ADAMTS16: variants seen among roughly 807,000 people sequenced by gnomAD.
ADAMTS16 encodes the protein A disintegrin and metalloproteinase with thrombospondin motifs 16.
Under a neutral mutation model 145.8 loss-of-function variants are expected in ADAMTS16, and 94 were observed. The observed-to-expected ratio is 0.64, with a 90% CI of 0.55 to 0.77. The LOEUF (loss-of-function observed/expected upper bound fraction) is 0.77. Ranked by LOEUF, ADAMTS16 falls within the 30% of genes least tolerant of loss-of-function variation. The pLI is 0.00. For missense variants in ADAMTS16, 1,585 were observed against 1,591.5 expected (o/e 1.00, Z 0.07); for synonymous variants, 659 against 604.3 (o/e 1.09, Z -1.33).
intron 3 of ADAMTS16, among the ~76,000 whole-genome samples, chr5:5,167,498 T>A (rs1376115072): frequency 6.6e-6 from 1 of 152,234 alleles, no homozygotes; most frequent in Non-Finnish European, 1.5e-5. Flanking sequence ...TGGTTGTTCT[T>A]AGTTCAGATG....
chr5:5,212,143 T>G (rs1421553792), intron 10 of ADAMTS16, among the ~76,000 whole-genome samples: 1 of 152,030 alleles, frequency 6.6e-6, no homozygotes, highest in Non-Finnish European at 1.5e-5. Flanking sequence ...CTCCAGCAAT[T>G]ATTACGTATG....
At chr5:5,252,656 A>T (rs1042685500) in intron 17 of ADAMTS16, among the ~76,000 whole-genome samples, 2 of 152,228 alleles carry the variant, frequency 1.3e-5, no homozygotes, top group Non-Finnish European at 2.9e-5. Flanking sequence ...ATCTTTATAG[A>T]TTAAAGTCAA....
chr5:5,320,077 G>C lies in ADAMTS16; in HGVS notation c.*939G>C. On this transcript the variant is annotated 3_prime_UTR_variant, in exon 23 of 23. Coordinates refer to ENST00000274181, the MANE Select transcript of ADAMTS16 (RefSeq NM_139056.4). This position sits in a 1 kb window ranked among gnomAD's most constrained non-coding sequence, Gnocchi z 5.1. ...TGTGTTTTGTTTTTGTGTGTTGTGA[G>C]ATTTTAATCTTTTTTTTTTCGGTGA... The C allele has an allele frequency of 1.0e-5, 3 of 286,146 alleles. No homozygotes were observed. The highest frequency in any genetic ancestry group is 1.8e-5 in the Non-Finnish European group (3 of 164,078). 17.7% of individuals were successfully genotyped at this position (286,146 alleles called of 1,614,324 possible).
intron 10 of ADAMTS16, among the ~76,000 whole-genome samples, chr5:5,221,591 C>T (rs575241766): frequency 1.1e-4 from 16 of 152,276 alleles, no homozygotes; most frequent in Non-Finnish European, 2.2e-4. Context: ...AAACACTGAA[C>T]GTTTACTTGT....
At chr5:5,290,702 A>G (rs781331402) in intron 18 of ADAMTS16, among the ~76,000 whole-genome samples, 8 of 152,222 alleles carry the variant, frequency 5.3e-5, no homozygotes, top group Non-Finnish European at 1.2e-4. Flanking sequence ...TCTTGTTTCC[A>G]TGCTGCAGTG....
intron 9 of ADAMTS16, among the ~76,000 whole-genome samples, chr5:5,208,850 T>G (rs1736199326): frequency 1.3e-5 from 2 of 152,324 alleles, no homozygotes; most frequent in East Asian, 3.9e-4. Context: ...AGAAATTTAA[T>G]AAGTACAAAT....
Position 5,146,239 on chromosome 5 carries a change from G to A in ADAMTS16, c.285G>A (p.Glu95=), listed in dbSNP as rs183980942. The A allele has an allele frequency of 1.3e-5, 21 of 1,614,168 alleles. No individual in the cohort carries two copies. In the African/African-American group the frequency reaches 2.0e-4, roughly 15 times the overall value. Residue 95 remains glutamate (E), a synonymous_variant, in exon 3 of 23, where the codon GAG becomes GAA. Coordinates refer to ENST00000274181, the MANE Select transcript of ADAMTS16 (RefSeq NM_139056.4). ...GAGCAGTGCCCGTGTCCGAGGTTGA[G>A]TCTCTTCACCTTCGGCTGAAAGGCT... ...RRRAVPVSEV[E]SLHLRLKGSR...
intron 17 of ADAMTS16, among the ~76,000 whole-genome samples, chr5:5,256,395 C>G (rs1737783883): frequency 6.6e-6 from 1 of 152,234 alleles, no homozygotes; most frequent in Admixed American, 6.5e-5. Flanking sequence ...TAAGACATAA[C>G]TGGCCAAGGC....
intron 21 of ADAMTS16, among the ~76,000 whole-genome samples, chr5:5,312,185 G>A (rs1382003317): frequency 6.6e-6 from 1 of 152,162 alleles, no homozygotes; most frequent in Admixed American, 6.5e-5. Flanking sequence ...TTGCTGTGTT[G>A]TGGGCCAGCT....
intron 8 of ADAMTS16, 23 bp from the exon 9 acceptor site, chr5:5,200,107 ATC>A (rs58639468): frequency 2.9e-4 from 411 of 1,436,254 alleles, no homozygotes; most frequent in South Asian, 6.0e-4. Context: ...TGAAAGAACC[ATC>A]TCTCTCTCTC....
chr5:5,212,742 C>T (rs1346041000), intron 10 of ADAMTS16, among the ~76,000 whole-genome samples: 1 of 152,180 alleles, frequency 6.6e-6, no homozygotes, highest in African/African-American at 2.4e-5. Context: ...TTGAAACAAA[C>T]TCTGACCTTT....
rs562761504 is a variant in ADAMTS16, at chr5:5,160,290, T to C, written c.501+13835T>C. Among the ~76,000 whole-genome samples, 8 of 152,318 alleles carry C rather than the reference T, an allele frequency of 5.3e-5. No homozygotes were observed. In the East Asian group the frequency reaches 1.5e-3, roughly 29 times the overall value. On this transcript the variant is annotated intron_variant, in intron 3 of 22. Transcript: ENST00000274181. ...TCTAGTGTTGCTTTGACATGTAACA[T>C]AATTATATGTTTACTACTTTAAAAC...
At chr5:5,292,243 C>A (rs2126491191) in intron 18 of ADAMTS16, among the ~76,000 whole-genome samples, 1 of 152,310 alleles carries the variant, frequency 6.6e-6, no homozygotes, top group Admixed American at 6.5e-5. Context: ...CGCCTGTAAT[C>A]CCAGCCCTTT....
At chr5:5,267,963 G>A (rs1469937563) in intron 18 of ADAMTS16, among the ~76,000 whole-genome samples, 1 of 152,172 alleles carries the variant, frequency 6.6e-6, no homozygotes, top group Admixed American at 6.5e-5. Flanking sequence ...GGTGTTCGTA[G>A]GAGACACGGA....
intron 17 of ADAMTS16, among the ~76,000 whole-genome samples, chr5:5,250,918 T>A (rs1005788725): frequency 6.6e-6 from 1 of 152,088 alleles, no homozygotes; most frequent in African/African-American, 2.4e-5. Context: ...TTTAGGCCTT[T>A]GGATTCAGAG....
intron 9 of ADAMTS16, among the ~76,000 whole-genome samples, chr5:5,203,251 C>A (rs554318303): frequency 1.3e-5 from 2 of 152,262 alleles, no homozygotes; most frequent in East Asian, 3.9e-4. Context: ...TCATTTTACT[C>A]GAAAACCAGT....
intron 18 of ADAMTS16, among the ~76,000 whole-genome samples, chr5:5,287,480 T>A (rs1483270714): frequency 1.3e-5 from 2 of 152,188 alleles, no homozygotes; most frequent in Non-Finnish European, 2.9e-5. Flanking sequence ...CATCATTCAG[T>A]TGCCATTGAC....
At chr5:5,165,909 C>T (rs939297458) in intron 3 of ADAMTS16, among the ~76,000 whole-genome samples, 4 of 152,118 alleles carry the variant, frequency 2.6e-5, no homozygotes, top group Admixed American at 1.3e-4. Flanking sequence ...CCAGTGTGGC[C>T]GCCTCCTCTG....
intron 18 of ADAMTS16, among the ~76,000 whole-genome samples, chr5:5,295,358 A>G (rs1001124531): frequency 6.6e-6 from 1 of 152,220 alleles, no homozygotes; most frequent in Admixed American, 6.5e-5. Flanking sequence ...CTTCGTTTTC[A>G]TAGAAACAGC....
Sources: allele counts gnomAD v4.1 joint callset (sites outside exome capture counted in the v4.1 genomes callset), GRCh38; gene constraint gnomAD v4.1.1; non-coding constraint Gnocchi (gnomAD v3.1); transcripts MANE v1.5; gene names NCBI Gene and HGNC (gene_info 2026-07-23, HGNC 2026-07-21).